The following MAP2K4 variants were observed in gnomAD, a reference collection of about 807,000 sequenced individuals.
MAP2K4 encodes mitogen-activated protein kinase kinase 4.
MAP2K4 carries 4 observed loss-of-function variants against 48.5 expected under a neutral mutation model. The observed-to-expected ratio is 0.08, with a 90% CI of 0.04 to 0.19. MAP2K4 has a LOEUF of 0.19. MAP2K4 is among the 10% of genes least tolerant of loss of function. MAP2K4 has a pLI of 1.00. For missense variants in MAP2K4, 258 were observed against 493.3 expected (o/e 0.52, Z 4.52); for synonymous variants, 166 against 173.1 (o/e 0.96, Z 0.32).
chr17:12,049,187 G>A (rs1970057944), intron 1 of MAP2K4, among the ~76,000 whole-genome samples: 1 of 152,158 alleles, frequency 6.6e-6, no homozygotes, highest in Admixed American at 6.5e-5. Context: ...TTGAAAATGA[G>A]GTAGTAACAA....
intron 1 of MAP2K4, among the ~76,000 whole-genome samples, chr17:12,049,943 A>G (rs1970082810): frequency 6.6e-6 from 1 of 152,218 alleles, no homozygotes; most frequent in Non-Finnish European, 1.5e-5. Flanking sequence ...AGAGGCAGCT[A>G]TTGTAGATCC....
chr17:12,043,185 A>C (rs1395658451), intron 1 of MAP2K4, among the ~76,000 whole-genome samples: 1 of 152,236 alleles, frequency 6.6e-6, no homozygotes, highest in African/African-American at 2.4e-5. Flanking sequence ...TATATTCATA[A>C]ACCATATCTT....
intron 2 of MAP2K4, among the ~76,000 whole-genome samples, chr17:12,065,474 A>G (rs1443722423): frequency 1.3e-5 from 2 of 151,642 alleles, no homozygotes; most frequent in Non-Finnish European, 2.9e-5. Flanking sequence ...AGTTTTTTGT[A>G]TTTTTAGTAG....
chr17:12,106,823 C>T (rs1475448235), intron 4 of MAP2K4, among the ~76,000 whole-genome samples: 1 of 151,878 alleles, frequency 6.6e-6, no homozygotes. Flanking sequence ...TTTTTCATGA[C>T]TCATGCATCT....
chr17:12,073,582 G>A (rs537839487), intron 2 of MAP2K4, among the ~76,000 whole-genome samples: 1 of 152,186 alleles, frequency 6.6e-6, no homozygotes, highest in South Asian at 2.1e-4. Flanking sequence ...GCAGCCCAAG[G>A]ATAATCTTCT....
At chr17:12,042,565 C>T (rs1351255328) in intron 1 of MAP2K4, among the ~76,000 whole-genome samples, 11 of 152,080 alleles carry the variant, frequency 7.2e-5, no homozygotes, top group South Asian at 6.2e-4. Flanking sequence ...CGCCTAAGCT[C>T]GGGAGGTGAA....
intron 2 of MAP2K4, among the ~76,000 whole-genome samples, chr17:12,062,063 C>T (rs1970467310): frequency 6.8e-6 from 1 of 147,000 alleles, no homozygotes; most frequent in Non-Finnish European, 1.5e-5. Context: ...CCCCTCTCCC[C>T]CCCCTTTTTT....
At chr17:12,069,976 A>AGC (rs35866215) in intron 2 of MAP2K4, 24,999 of 129,674 alleles carry the variant, frequency 0.19, 3,716 homozygotes, top group Admixed American at 0.24. Context: ...ACAGTAAAAC[A>AGC]GCTTGGGGCG....
intron 1 of MAP2K4, among the ~76,000 whole-genome samples, chr17:12,023,885 C>T (rs1969172559): frequency 6.6e-6 from 1 of 152,166 alleles, no homozygotes; most frequent in Non-Finnish European, 1.5e-5. Context: ...TTTGAGAATG[C>T]ATGTAAGCCT....
intron 1 of MAP2K4, among the ~76,000 whole-genome samples, chr17:12,039,627 C>A (rs1969713504): frequency 6.6e-6 from 1 of 152,134 alleles, no homozygotes; most frequent in African/African-American, 2.4e-5. Flanking sequence ...ATACAATTAT[C>A]TTACCATTAA....
At chr17:12,130,890 T>C (rs182937410) in intron 9 of MAP2K4, among the ~76,000 whole-genome samples, 4 of 152,292 alleles carry the variant, frequency 2.6e-5, no homozygotes, top group Non-Finnish European at 2.9e-5. Flanking sequence ...CCCCTTTTTA[T>C]TAGAGTTGTA....
chr17:12,022,968 G>A (rs1969137200), intron 1 of MAP2K4, among the ~76,000 whole-genome samples: 1 of 152,182 alleles, frequency 6.6e-6, no homozygotes, highest in African/African-American at 2.4e-5. Context: ...TCCTAAGGCA[G>A]TGGTTAGGAC....
chr17:12,031,516 G>T (rs1969436867), intron 1 of MAP2K4, among the ~76,000 whole-genome samples: 1 of 152,124 alleles, frequency 6.6e-6, no homozygotes, highest in Non-Finnish European at 1.5e-5. Context: ...TTTTGTGAAG[G>T]CTTTTGTTTT....
intron 3 of MAP2K4, among the ~76,000 whole-genome samples, chr17:12,092,689 C>A (rs1038526294): frequency 6.6e-6 from 1 of 152,202 alleles, no homozygotes; most frequent in African/African-American, 2.4e-5. Context: ...TAATTCCTCA[C>A]ATATGATAAA....
At chr17:12,027,985 A>G (rs1010771744) in intron 1 of MAP2K4, among the ~76,000 whole-genome samples, 14 of 152,172 alleles carry the variant, frequency 9.2e-5, no homozygotes, top group African/African-American at 3.4e-4. Context: ...CTGTGATAAT[A>G]ATAACCTGCT....
At chr17:12,089,077 A>G (rs1315700204) in intron 3 of MAP2K4, among the ~76,000 whole-genome samples, 1 of 151,720 alleles carries the variant, frequency 6.6e-6, no homozygotes, top group Non-Finnish European at 1.5e-5. Flanking sequence ...ACGCCTGGCT[A>G]ATTTTTTTGT....
intron 4 of MAP2K4, among the ~76,000 whole-genome samples, chr17:12,097,049 A>G (rs1474137878): frequency 6.6e-6 from 1 of 152,200 alleles, no homozygotes; most frequent in Non-Finnish European, 1.5e-5. Flanking sequence ...ATTCATGTGC[A>G]TGACTGTATC....
At chr17:12,110,522 T>G in intron 6 of MAP2K4, 96 bp downstream of exon 6, 2 of 848,464 alleles carry the variant, frequency 2.4e-6, no homozygotes, top group Non-Finnish European at 3.8e-6. Flanking sequence ...TGTATAAACT[T>G]TCCTAAAATA....
At chr17:12,058,227 CTTTTTTT>C (rs144800120) in intron 2 of MAP2K4, among the ~76,000 whole-genome samples, 14,190 of 130,072 alleles carry the variant, frequency 0.11, 890 homozygotes, top group Non-Finnish European at 0.16. Context: ...CTAGACCTTT[CTTTTTTT>C]TTTTTTTTTT....
Sources: allele counts gnomAD v4.1 joint callset (sites outside exome capture counted in the v4.1 genomes callset), GRCh38; gene constraint gnomAD v4.1.1; transcripts MANE v1.5; gene names NCBI Gene and HGNC (gene_info 2026-07-23, HGNC 2026-07-21).